Variants in SPECC1L observed in about 807,000 individuals in gnomAD.
SPECC1L encodes the protein cytospin-A.
A neutral mutation model predicts 116.8 loss-of-function variants in SPECC1L; 40 were observed. That is an observed-to-expected ratio of 0.34 (90% CI 0.27 to 0.45). The LOEUF is 0.45. SPECC1L is among the 20% of genes least tolerant of loss of function. SPECC1L has a pLI of 1.00. For synonymous variants in SPECC1L, 504 were observed against 500.6 expected (o/e 1.01, Z -0.09); for missense variants, 1,110 against 1,373.6 (o/e 0.81, Z 3.03).
intron 14 of SPECC1L, among the ~76,000 whole-genome samples, chr22:24,386,048 A>G (rs1163473400): frequency 6.6e-6 from 1 of 152,192 alleles, no homozygotes; most frequent in Non-Finnish European, 1.5e-5. Flanking sequence ...AATGGAGGGG[A>G]AAATGTGATC....
chr22:24,285,572 G>A (rs2049025122), intron 2 of SPECC1L, among the ~76,000 whole-genome samples: 1 of 152,024 alleles, frequency 6.6e-6, no homozygotes. Context: ...TCAAAGAGCT[G>A]CCTTCTGTGT....
At chr22:24,320,040 G>A (rs1359267150) in intron 4 of SPECC1L, among the ~76,000 whole-genome samples, 2 of 152,194 alleles carry the variant, frequency 1.3e-5, no homozygotes, top group African/African-American at 2.4e-5. Context: ...CTGGGAGACC[G>A]ACGCGGGCAG....
chr22:24,337,981 T>C (rs897816273), intron 9 of SPECC1L, among the ~76,000 whole-genome samples: 1 of 152,168 alleles, frequency 6.6e-6, no homozygotes, highest in Admixed American at 6.5e-5. Context: ...AGTTCCTCAT[T>C]CTTTTGTTTA....
chr22:24,275,584 G>T, intron 1 of SPECC1L, among the ~76,000 whole-genome samples: 2 of 145,296 alleles, frequency 1.4e-5, no homozygotes. Flanking sequence ...TGATGTGTTT[G>T]GACAGTAAGG....
At chr22:24,352,896 G>A (rs182117539) in intron 11 of SPECC1L, among the ~76,000 whole-genome samples, 6 of 152,212 alleles carry the variant, frequency 3.9e-5, no homozygotes, top group Admixed American at 6.5e-5. Context: ...GCAAGAAGTT[G>A]TGCCGTGAAT....
At chr22:24,392,214 T>G (rs1210902125) in intron 14 of SPECC1L, among the ~76,000 whole-genome samples, 1 of 152,230 alleles carries the variant, frequency 6.6e-6, no homozygotes, top group African/African-American at 2.4e-5. Context: ...GTATTTTTAT[T>G]ACGAGTAATG....
At chr22:24,409,828 C>T (rs1024854137) in intron 14 of SPECC1L, among the ~76,000 whole-genome samples, 1 of 152,080 alleles carries the variant, frequency 6.6e-6, no homozygotes, top group Non-Finnish European at 1.5e-5. Flanking sequence ...AGTTTCAGAC[C>T]AGCCTGGGCG....
At chr22:24,414,306 A>G (rs182234904) in intron 16 of SPECC1L, among the ~76,000 whole-genome samples, 1 of 152,180 alleles carries the variant, frequency 6.6e-6, no homozygotes. Flanking sequence ...AGCCGTGAGC[A>G]GGGAGGCACC....
chr22:24,321,234 G>A (rs1170305493), intron 4 of SPECC1L, 54 bp from the exon 5 acceptor site: 1 of 1,600,486 alleles, frequency 6.2e-7, no homozygotes, highest in Admixed American at 1.7e-5. Context: ...TGTATTCTAT[G>A]TAGCCTTTTA....
chr22:24,310,016 A>G (rs1463221953), intron 3 of SPECC1L, among the ~76,000 whole-genome samples: 1 of 152,118 alleles, frequency 6.6e-6, no homozygotes, highest in African/African-American at 2.4e-5. Flanking sequence ...TTAACAGGCA[A>G]TTTAGTTTTT....
intron 11 of SPECC1L, among the ~76,000 whole-genome samples, chr22:24,355,195 A>C (rs2041505298): frequency 6.8e-6 from 1 of 146,774 alleles, no homozygotes; most frequent in Non-Finnish European, 1.5e-5. Flanking sequence ...AGGCATGAGA[A>C]TTACTTGAAC....
At chr22:24,375,684 G>A (rs1039659734) in intron 14 of SPECC1L, among the ~76,000 whole-genome samples, 2 of 152,188 alleles carry the variant, frequency 1.3e-5, no homozygotes, top group African/African-American at 4.8e-5. Context: ...GCTGGGCACA[G>A]TGGCTTATGC....
intron 3 of SPECC1L, among the ~76,000 whole-genome samples, chr22:24,309,845 G>A (rs2040426686): frequency 6.6e-6 from 1 of 151,968 alleles, no homozygotes. Flanking sequence ...TTCCATTTTA[G>A]GTTTTTCCTA....
At chr22:24,280,264 A>C (rs1233466045) in intron 2 of SPECC1L, among the ~76,000 whole-genome samples, 1 of 152,148 alleles carries the variant, frequency 6.6e-6, no homozygotes, top group Non-Finnish European at 1.5e-5. Context: ...ACCTACTTCC[A>C]CACAAACTGC....
At chr22:24,276,322 C>T (rs2048836845) in intron 1 of SPECC1L, among the ~76,000 whole-genome samples, 1 of 151,960 alleles carries the variant, frequency 6.6e-6, no homozygotes, top group Non-Finnish European at 1.5e-5. Context: ...GTCTCAGGTA[C>T]TTGAGAGGCT....
chr22:24,301,327 G>A (rs1253310178), intron 2 of SPECC1L, among the ~76,000 whole-genome samples: 1 of 150,460 alleles, frequency 6.6e-6, no homozygotes, highest in African/African-American at 2.5e-5. Context: ...CTTCTCAAAA[G>A]AAGACATTTA....
chr22:24,406,694 G>A (rs982226369), intron 14 of SPECC1L, among the ~76,000 whole-genome samples: 2 of 152,148 alleles, frequency 1.3e-5, no homozygotes, highest in African/African-American at 4.8e-5. Flanking sequence ...GATTCCATGC[G>A]ATTTTGTGTC....
At chr22:24,390,655 C>T (rs181696349) in intron 14 of SPECC1L, among the ~76,000 whole-genome samples, 1 of 152,220 alleles carries the variant, frequency 6.6e-6, no homozygotes, top group East Asian at 1.9e-4. Context: ...CCCACCCATT[C>T]TTTATGTGGA....
chr22:24,337,979 A>G (rs779057479), intron 9 of SPECC1L, among the ~76,000 whole-genome samples: 25 of 152,184 alleles, frequency 1.6e-4, no homozygotes, highest in Admixed American at 5.2e-4. Context: ...GGAGTTCCTC[A>G]TTCTTTTGTT....
Sources: allele counts gnomAD v4.1 joint callset (sites outside exome capture counted in the v4.1 genomes callset), GRCh38; gene constraint gnomAD v4.1.1; transcripts MANE v1.5; gene names NCBI Gene and HGNC (gene_info 2026-07-23, HGNC 2026-07-21).